The following DSCAML1 variants were observed in gnomAD, a reference collection of about 807,000 sequenced individuals.
DSCAML1 encodes cell adhesion molecule DSCAML1.
In DSCAML1, 38 loss-of-function variants were observed where a neutral mutation model predicts 200.5. That is an observed-to-expected ratio of 0.19 (90% confidence interval 0.15 to 0.25). The LOEUF (loss-of-function observed/expected upper bound fraction) is 0.25, where lower values mean the gene tolerates loss of function less well. Among genes scored for constraint, DSCAML1 ranks in the 10% least tolerant of loss-of-function variants. The pLI, the probability that DSCAML1 is intolerant of heterozygous loss-of-function variation, is 1.00. For missense variants in DSCAML1, 2,223 were observed against 2,858.8 expected, an observed-to-expected ratio of 0.78 and a Z score of 5.07; for synonymous variants, 1,215 against 1,165.0, an observed-to-expected ratio of 1.04 and a Z score of -0.87.
chr11:117,430,685 G>A (rs369799344), intron 32 of DSCAML1, 37 bp downstream of exon 32: 6 of 1,570,108 alleles, frequency 3.8e-6, no homozygotes, highest in African/African-American at 2.7e-5. Flanking sequence ...GCCAGGGGGC[G>A]GGGGGGCACT....
In DSCAML1 at chr11:117,756,352, A is replaced by G. The variant is rs573902292; in HGVS notation, c.511+20439T>C. Among the ~76,000 whole-genome samples, 247 of 152,302 alleles carry G rather than the reference A, an allele frequency of 1.6e-3. 7 individuals carry two copies. In the South Asian group the frequency reaches 0.049, roughly 30 times the overall value. Reference sequence around the variant, plus strand: ...TTTGTGAGGGTGGGATTTTTGGGAAAACCAGGAAGAAGGCTGAGGAAACAT... The same window carrying G: ...TTTGTGAGGGTGGGATTTTTGGGAAGACCAGGAAGAAGGCTGAGGAAACAT... On this transcript the variant is annotated intron_variant, in intron 3 of 32. Coordinates refer to ENST00000651296, the MANE Select transcript of DSCAML1 (RefSeq NM_020693.4).
intron 1 of DSCAML1, among the ~76,000 whole-genome samples, chr11:117,782,369 G>A (rs1034761154): frequency 6.6e-6 from 1 of 152,228 alleles, no homozygotes; most frequent in East Asian, 1.9e-4. Context: ...GCGGTGTCAG[G>A]AGCATCCTCT....
chr11:117,604,626 T>G (rs680292), intron 3 of DSCAML1, among the ~76,000 whole-genome samples: 139,635 of 152,282 alleles, frequency 0.92, 64,105 homozygotes, highest in Middle Eastern at 0.95. Flanking sequence ...GATGGGGCGG[T>G]CCAAGCCCGT....
intron 4 of DSCAML1, among the ~76,000 whole-genome samples, chr11:117,529,277 C>T (rs1057191533): frequency 1.3e-5 from 2 of 152,106 alleles, no homozygotes; most frequent in African/African-American, 4.8e-5. Context: ...GGGGTTTTGC[C>T]ATGTTGGCCA....
intron 3 of DSCAML1, among the ~76,000 whole-genome samples, chr11:117,707,823 G>A (rs1591425244): frequency 1.3e-5 from 2 of 152,132 alleles, no homozygotes; most frequent in African/African-American, 2.4e-5. Context: ...GCGAGCCACC[G>A]TGCCTGGCCC....
intron 3 of DSCAML1, among the ~76,000 whole-genome samples, chr11:117,537,021 A>G (rs1028104342): frequency 2.0e-5 from 3 of 152,238 alleles, no homozygotes; most frequent in Non-Finnish European, 4.4e-5. Flanking sequence ...GAAGTTACAT[A>G]ATCCATCCAA....
At chr11:117,631,029 A>G (rs1270660126) in intron 3 of DSCAML1, among the ~76,000 whole-genome samples, 1 of 152,226 alleles carries the variant, frequency 6.6e-6, no homozygotes, top group Non-Finnish European at 1.5e-5. Flanking sequence ...CTCAATAAAC[A>G]TAAACATGAA....
At chr11:117,677,480 G>T (rs1426203317) in intron 3 of DSCAML1, among the ~76,000 whole-genome samples, 1 of 152,096 alleles carries the variant, frequency 6.6e-6, no homozygotes, top group Non-Finnish European at 1.5e-5. Context: ...GGAGCAGGGG[G>T]CAGGGAGAGG....
chr11:117,671,884 G>A (rs191355854), intron 3 of DSCAML1, among the ~76,000 whole-genome samples: 7 of 152,148 alleles, frequency 4.6e-5, no homozygotes, highest in Non-Finnish European at 1.0e-4. Context: ...GGCCGAGGCG[G>A]GCGGATTACC....
Position 117,503,824 on chromosome 11 carries a change from G to A in DSCAML1, c.2359+21C>T, listed in dbSNP as rs199975631. 1.2e-6 allele frequency: 2 copies of A among 1,609,256 alleles called. No homozygotes were observed. Among genetic ancestry groups the A allele is most frequent in the African/African-American group, 1.3e-5 (1 of 74,888 alleles). On this transcript the variant is annotated intron_variant, in intron 11 of 32. Transcript: ENST00000651296. The surrounding 1 kb of genome is among the most constrained non-coding windows in gnomAD (Gnocchi z 5.2). ...GGCTGTGATTTGGGGGTGCTAGGGG[G>A]CGTGTGGGGACAGGACTCACTCTTG... is the stretch of plus-strand genomic sequence containing the variant.
chr11:117,722,030 C>T (rs775848448), intron 3 of DSCAML1, among the ~76,000 whole-genome samples: 15 of 151,798 alleles, frequency 9.9e-5, no homozygotes, highest in South Asian at 2.1e-4. Context: ...ATTGTTTTTG[C>T]GGTATTCTCA....
In DSCAML1 at chr11:117,430,637, T is replaced by C. The variant is rs1432103135; in HGVS notation, c.5686+85A>G. On this transcript the variant is annotated intron_variant, in intron 32 of 32. Coordinates refer to ENST00000651296, the MANE Select transcript of DSCAML1 (RefSeq NM_020693.4). ...AGCTGGGCTGGCATGATCCTGGTGC[T>C]GGCAGAACTAGATCTAGCCAGGGCT... is the stretch of plus-strand genomic sequence containing the variant. 4.8e-6 allele frequency: 7 copies of C among 1,449,020 alleles called. No individual in the cohort carries two copies. The Admixed American group carries it at 1.1e-4, about 22-fold the overall frequency. 89.8% of individuals were successfully genotyped at this position (1,449,020 alleles called of 1,614,324 possible).
At chr11:117,453,528 T>G (rs1592600905) in intron 19 of DSCAML1, among the ~76,000 whole-genome samples, 1 of 152,332 alleles carries the variant, frequency 6.6e-6, no homozygotes. Context: ...TATCATAGGT[T>G]GGTAACTGTT....
intron 19 of DSCAML1, among the ~76,000 whole-genome samples, chr11:117,455,702 C>T (rs185716075): frequency 3.9e-5 from 6 of 151,954 alleles, no homozygotes; most frequent in East Asian, 1.9e-4. Context: ...GGTGGGATCA[C>T]GGTGTCTTCA....
chr11:117,813,117 G>A (rs1014682552), intron 1 of DSCAML1, among the ~76,000 whole-genome samples: 7 of 152,014 alleles, frequency 4.6e-5, no homozygotes, highest in African/African-American at 1.7e-4. Context: ...ACAGACTAAT[G>A]GTCTATTAAA....
chr11:117,644,119 G>A (rs994519321), intron 3 of DSCAML1, among the ~76,000 whole-genome samples: 3 of 152,212 alleles, frequency 2.0e-5, no homozygotes, highest in Admixed American at 6.5e-5. Context: ...TGAAGTCCTG[G>A]GCTCAGGGCC....
chr11:117,443,976 C>T lies in DSCAML1; in HGVS notation c.3772G>A (p.Gly1258Ser), dbSNP rs773624982. ...GCCACCCACAGCAGATACTGCTGACCGCGGTTTAGGTGGGCGATCCGGTAG... is the reference window on the plus strand; with the variant it reads ...GCCACCCACAGCAGATACTGCTGACTGCGGTTTAGGTGGGCGATCCGGTAG... ...LFYRIAHLNR[G>S]QQYLLWVAAV... Residue 1258 changes from glycine to serine, a missense_variant, in exon 21 of 33, where the codon GGT becomes AGT. This residue lies in a region of DSCAML1 where 614 missense variants were observed against 739.1 expected (regional missense o/e 0.83). Coordinates refer to ENST00000651296, the MANE Select transcript of DSCAML1 (RefSeq NM_020693.4). 48 of 1,613,784 alleles carry T rather than the reference C, an allele frequency of 3.0e-5. No individual in the cohort carries two copies. The highest frequency in any genetic ancestry group is 3.9e-5 in the Non-Finnish European group (46 of 1,179,988).
At chr11:117,706,412 C>A (rs554298344) in intron 3 of DSCAML1, among the ~76,000 whole-genome samples, 4 of 152,140 alleles carry the variant, frequency 2.6e-5, no homozygotes, top group Non-Finnish European at 5.9e-5. Context: ...GACTCGGTGC[C>A]GGTCTATTCC....
At chr11:117,639,320 CTGGA>C (rs1207943895) in intron 3 of DSCAML1, among the ~76,000 whole-genome samples, 1 of 49,902 alleles carries the variant, frequency 2.0e-5, no homozygotes, top group Admixed American at 3.0e-4. Context: ...GGGTAGGAGG[CTGGA>C]TGGATGGGAG....
Sources: gnomAD v4.1 joint callset for allele counts (sites outside exome capture counted in the v4.1 genomes callset) on GRCh38, gnomAD v4.1.1 for gene constraint, gnomAD v4.1.1 regional missense constraint, Gnocchi (gnomAD v3.1) non-coding constraint, MANE v1.5 for transcripts, NCBI Gene and HGNC (gene_info 2026-07-23, HGNC 2026-07-21) for gene names.